NDUFS6: variants seen among roughly 807,000 people sequenced by gnomAD.
NDUFS6 encodes the protein NADH dehydrogenase [ubiquinone] iron-sulfur protein 6, mitochondrial.
Under a neutral mutation model 13.2 loss-of-function variants are expected in NDUFS6, and 14 were observed. That is an observed-to-expected ratio of 1.06 (90% CI 0.70 to 1.66). The LOEUF is 1.66. Ranked by LOEUF, NDUFS6 falls within the 40% of genes most tolerant of loss-of-function variation. The pLI is 0.00. For missense variants in NDUFS6, 206 were observed against 170.8 expected, an observed-to-expected ratio of 1.21 and a Z score of -1.15; for synonymous variants, 95 against 72.3, an observed-to-expected ratio of 1.31 and a Z score of -1.60.
chr5:1,815,636 C>A (rs964170597), intron 3 of NDUFS6, among the ~76,000 whole-genome samples: 17 of 152,154 alleles, frequency 1.1e-4, no homozygotes, highest in African/African-American at 2.2e-4. Flanking sequence ...CCCTGGGGGT[C>A]CTAGGGGATG....
At position 1,801,651 on chromosome 5, in the gene NDUFS6, C is replaced by T. The variant is rs1734044569; in HGVS notation, c.132+102C>T. 5.4e-6 allele frequency: 8 copies of T among 1,472,602 alleles called. No individual in the cohort carries two copies. In the East Asian group the frequency reaches 1.0e-4, roughly 19 times the overall value. 91.2% of individuals were successfully genotyped at this position (1,472,602 alleles called of 1,614,324 possible). On this transcript the variant is annotated intron_variant, in intron 1 of 3. Transcript: ENST00000274137. The stretch of plus-strand genomic sequence containing the variant: ...ATCCGCGGCCCTGGTTCTGCGCCGG[C>T]AGCGCAGGTCGTGGTAAGGTTGTGC...
At chr5:1,803,398 A>T (rs994717579) in intron 2 of NDUFS6, among the ~76,000 whole-genome samples, 1 of 152,156 alleles carries the variant, frequency 6.6e-6, no homozygotes, top group African/African-American at 2.4e-5. Flanking sequence ...TCAGTGGAAG[A>T]GTGTGCCATG....
intron 2 of NDUFS6, among the ~76,000 whole-genome samples, chr5:1,810,573 A>G (rs1734202547): frequency 6.6e-6 from 1 of 152,258 alleles, no homozygotes; most frequent in East Asian, 1.9e-4. Context: ...TTGCCAAGCC[A>G]GGATGTTTTA....
intron 2 of NDUFS6, among the ~76,000 whole-genome samples, chr5:1,804,409 T>C (rs1056938100): frequency 4.6e-5 from 7 of 152,078 alleles, no homozygotes; most frequent in African/African-American, 1.7e-4. Flanking sequence ...CAGTGAGGGG[T>C]GGGTACGGGA....
Position 1,814,188 on chromosome 5 carries a change from G to A in NDUFS6, c.187-151G>A. ...AAAAGTAGATGTGTGTGTAGGCCCT[G>A]AATTTAATAAGGTCTACAATGATAA... On this transcript the variant is annotated intron_variant, in intron 2 of 3. Coordinates refer to ENST00000274137, the MANE Select transcript of NDUFS6 (RefSeq NM_004553.6). The surrounding 1 kb of genome is among the most constrained non-coding windows in gnomAD (Gnocchi z 4.9). 1 of 1,182,942 alleles carries A rather than the reference G, an allele frequency of 8.5e-7. No homozygotes were observed. The highest frequency in any genetic ancestry group is 1.2e-6 in the Non-Finnish European group (1 of 810,364). 73.3% of individuals were successfully genotyped at this position (1,182,942 alleles called of 1,614,324 possible).
chr5:1,802,788 CAT>C (rs918570285), intron 2 of NDUFS6, among the ~76,000 whole-genome samples: 4 of 152,136 alleles, frequency 2.6e-5, no homozygotes, highest in Admixed American at 2.0e-4. Flanking sequence ...GAAAATGGCA[CAT>C]GAGTTTTTCT....
intron 2 of NDUFS6, among the ~76,000 whole-genome samples, chr5:1,803,935 G>A (rs1309039239): frequency 2.0e-5 from 3 of 152,114 alleles, no homozygotes; most frequent in African/African-American, 7.2e-5. Context: ...AGAAGGGGAG[G>A]TTTCTCTTAG....
Position 1,814,400 on chromosome 5 carries a change from G to A in NDUFS6, c.248G>A (p.Arg83Gln), listed in dbSNP as rs1418466771. 6 of 1,614,100 alleles carry A rather than the reference G, an allele frequency of 3.7e-6. No individual in the cohort carries two copies. The highest frequency in any genetic ancestry group is 1.1e-5 in the South Asian group (1 of 91,084). Residue 83 changes from arginine to glutamine, a missense_variant, in exon 3 of 4, where the codon CGG (arginine) becomes CAG (glutamine). Arg to Gln is a conservative substitution (Grantham distance 43). Coordinates refer to ENST00000274137, the MANE Select transcript of NDUFS6 (RefSeq NM_004553.6). This position sits in a 1 kb window ranked among gnomAD's most constrained non-coding sequence, Gnocchi z 4.9. Reference sequence around the variant, plus strand: ...CAGCCCGTGAGCGAGGTGGAGACTCGGGTGATAGCGTGCGATGGCGGCGGG... The same window carrying A: ...CAGCCCGTGAGCGAGGTGGAGACTCAGGTGATAGCGTGCGATGGCGGCGGG... The part of the protein sequence containing the change: ...AEQPVSEVET[R>Q]VIACDGGGGA...
chr5:1,805,508 C>T lies in NDUFS6; in HGVS notation c.186+3134C>T, dbSNP rs146605067. 3.8e-3 allele frequency among the ~76,000 whole-genome samples: 581 copies of T among 152,312 alleles called. 8 individuals carry two copies. Among genetic ancestry groups the T allele is most frequent in the African/African-American group, 0.013 (561 of 41,568 alleles). ...GAATCCATGGCCCCTGGGCCTGTGA[C>T]GGGCCTGCCTGTGAGGAGACTCCTC... On this transcript the variant is annotated intron_variant, in intron 2 of 3. Transcript: ENST00000274137.
chr5:1,810,673 A>C (rs541713495), intron 2 of NDUFS6, among the ~76,000 whole-genome samples: 1 of 152,234 alleles, frequency 6.6e-6, no homozygotes, highest in South Asian at 2.1e-4. Context: ...CAGTTTCAAC[A>C]ATTACCAACC....
chr5:1,802,046 G>A (rs1734054013), intron 1 of NDUFS6: 2 of 477,090 alleles, frequency 4.2e-6, no homozygotes, highest in South Asian at 4.8e-5. Context: ...GGTTGGGGGC[G>A]GTTCTCCTCG....
At chr5:1,815,515 A>G (rs1273237324) in intron 3 of NDUFS6, among the ~76,000 whole-genome samples, 1 of 152,258 alleles carries the variant, frequency 6.6e-6, no homozygotes, top group African/African-American at 2.4e-5. Flanking sequence ...CCTGGGCTCC[A>G]GCCCTGAAGG....
chr5:1,802,485 G>A, intron 2 of NDUFS6, 111 bp downstream of exon 2: 3 of 848,278 alleles, frequency 3.5e-6, no homozygotes, highest in Non-Finnish European at 5.6e-6. Flanking sequence ...CATATTGCAA[G>A]CACCCTAACA....
In NDUFS6 at chr5:1,801,495, G is replaced by A. The variant is rs778881448; in HGVS notation, c.78G>A (p.Arg26=). 5 of 1,601,812 alleles carry A rather than the reference G, an allele frequency of 3.1e-6. No homozygotes were observed. The highest frequency in any genetic ancestry group is 1.3e-5 in the African/African-American group (1 of 74,872). The change falls in exon 1 of 4, where the codon AGG becomes AGA. Residue 26 remains arginine, a synonymous_variant. Transcript: ENST00000274137. ...CGCGGAGCCTGCCCCTGGGCGCCAG[G>A]TGTTTCGGGGTGCGGGTCTCGCCGA... ...EAARSLPLGA[R]CFGVRVSPTG...
chr5:1,802,185 C>T, intron 1 of NDUFS6, 136 bp from the exon 2 acceptor site: 4 of 784,434 alleles, frequency 5.1e-6, no homozygotes, highest in Non-Finnish European at 8.6e-6. Context: ...ACACCGAGTA[C>T]TGTGCACTTG....
rs1734264983 is a variant in NDUFS6, at chr5:1,814,153, TA to T, written c.187-185del. Among the ~76,000 whole-genome samples the T allele has an allele frequency of 1.3e-5, 2 of 152,258 alleles. No individual in the cohort carries two copies. Among genetic ancestry groups the T allele is most frequent in the Non-Finnish European group, 2.9e-5 (2 of 68,048 alleles). The stretch of plus-strand genomic sequence containing the variant: ...CAGTGCCTCTCCGCGTTTGGAACTT[TA>T]TTCCAGTGAAAAGTAGATGTGTGTG... On this transcript the variant is annotated intron_variant, in intron 2 of 3. Transcript: ENST00000274137. The surrounding 1 kb of genome is among the most constrained non-coding windows in gnomAD (Gnocchi z 4.9).
At chr5:1,810,277 G>A (rs140053668) in intron 2 of NDUFS6, among the ~76,000 whole-genome samples, 4 of 152,342 alleles carry the variant, frequency 2.6e-5, no homozygotes, top group African/African-American at 4.8e-5. Context: ...CATGCTTGGC[G>A]GGGCTGGCCC....
chr5:1,816,016 G>T lies in NDUFS6; in HGVS notation c.*100G>T, dbSNP rs997056593. On this transcript the variant is annotated 3_prime_UTR_variant, in exon 4 of 4. Transcript: ENST00000274137. ...TGGTTCTGTGCGAAGGGTATTCCTG[G>T]TGCTGAATAAAGGGTGTTGCTGTCA... is the stretch of plus-strand genomic sequence containing the variant. The T allele has an allele frequency of 2.3e-6, 3 of 1,298,110 alleles. No individual in the cohort carries two copies. The highest frequency in any genetic ancestry group is 3.4e-6 in the Non-Finnish European group (3 of 891,726). 80.4% of individuals were successfully genotyped at this position (1,298,110 alleles called of 1,614,324 possible).
chr5:1,806,272 C>T (rs994623819), intron 2 of NDUFS6, among the ~76,000 whole-genome samples: 3 of 152,210 alleles, frequency 2.0e-5, no homozygotes, highest in Non-Finnish European at 4.4e-5. Context: ...CTTGTGCCTT[C>T]ATCTGCCCGC....
Sources: allele counts gnomAD v4.1 joint callset (sites outside exome capture counted in the v4.1 genomes callset), GRCh38; gene constraint gnomAD v4.1.1; non-coding constraint Gnocchi (gnomAD v3.1); transcripts MANE v1.5; gene names NCBI Gene and HGNC (gene_info 2026-07-23, HGNC 2026-07-21).